Variants in MYO16 observed in about 807,000 individuals in gnomAD.
MYO16 encodes the protein unconventional myosin-XVI.
In MYO16, 94 loss-of-function variants were observed where a neutral mutation model predicts 205.3. That is an observed-to-expected ratio of 0.46 (90% CI 0.39 to 0.54). The LOEUF is 0.54. Ranked by LOEUF, MYO16 falls within the 20% of genes least tolerant of loss-of-function variation. MYO16 has a pLI of 0.00. For synonymous variants in MYO16, 988 were observed against 954.0 expected (o/e 1.04, Z -0.66); for missense variants, 2,315 against 2,387.5 (o/e 0.97, Z 0.63).
intron 14 of MYO16, among the ~76,000 whole-genome samples, chr13:108,895,978 G>A (rs1880393561): frequency 2.6e-5 from 4 of 152,132 alleles, no homozygotes; most frequent in Admixed American, 2.6e-4. Flanking sequence ...AGGAAAATGA[G>A]GTTTGAGGAA....
intron 11 of MYO16, among the ~76,000 whole-genome samples, chr13:108,861,834 C>G (rs1353298828): frequency 6.7e-6 from 1 of 150,006 alleles, no homozygotes; most frequent in African/African-American, 2.5e-5. Context: ...TTTATGTATT[C>G]ACGATATTCT....
At position 109,150,111 on chromosome 13, in the gene MYO16, T is replaced by C. The variant is rs530794733; in HGVS notation, c.5164+8735T>C. Among the ~76,000 whole-genome samples the C allele has an allele frequency of 2.0e-5, 3 of 152,262 alleles. No individual in the cohort carries two copies. The East Asian group carries it at 5.8e-4, about 29-fold the overall frequency. ...TAGCACCAGGAACCATGCTAAGAAC[T>C]GTACAGACAGATGATCAGCAGTGAT... On this transcript the variant is annotated intron_variant, in intron 32 of 34. Coordinates refer to ENST00000457511, the MANE Select transcript of MYO16 (RefSeq NM_001198950.3).
At chr13:108,530,899 A>G in the MYO16 span, among the ~76,000 whole-genome samples, 1 of 152,038 alleles carries the variant, frequency 6.6e-6, no homozygotes, top group Non-Finnish European at 1.5e-5. Flanking sequence ...AAATCTTGTC[A>G]ATGTTTTCTA....
the MYO16 span, among the ~76,000 whole-genome samples, chr13:108,571,642 G>C: frequency 3.3e-5 from 5 of 152,206 alleles, no homozygotes; most frequent in East Asian, 1.9e-4. Context: ...GGTCTTGTGG[G>C]TTCTCTGGCT....
At chr13:108,739,640 C>T (rs1884831091) in intron 4 of MYO16, among the ~76,000 whole-genome samples, 1 of 152,156 alleles carries the variant, frequency 6.6e-6, no homozygotes, top group Non-Finnish European at 1.5e-5. Context: ...CGAGGAGTAT[C>T]TCTGTGGCAT....
intron 12 of MYO16, among the ~76,000 whole-genome samples, chr13:108,874,805 TCACAAATAGGA>T (rs984792883): frequency 2.0e-5 from 3 of 151,866 alleles, no homozygotes; most frequent in Non-Finnish European, 2.9e-5. Flanking sequence ...GGTATACAGT[TCACAAATAGGA>T]CACCTACCCA....
At chr13:108,728,514 C>T (rs1594245043) in intron 4 of MYO16, among the ~76,000 whole-genome samples, 1 of 152,148 alleles carries the variant, frequency 6.6e-6, no homozygotes, top group African/African-American at 2.4e-5. Flanking sequence ...TGGACAGGGC[C>T]GTGCTCCCCC....
the MYO16 span, among the ~76,000 whole-genome samples, chr13:108,517,669 C>T: frequency 6.6e-6 from 1 of 152,186 alleles, no homozygotes; most frequent in Admixed American, 6.5e-5. Context: ...CAGGGAGCCA[C>T]CTGTAGTTAA....
At chr13:109,054,554 C>A (rs12430788) in intron 25 of MYO16, among the ~76,000 whole-genome samples, 5,113 of 152,104 alleles carry the variant, frequency 0.034, 129 homozygotes, top group South Asian at 0.057. Context: ...AGGATATGAT[C>A]GTGAGTTTAT....
chr13:108,812,050 A>T (rs528581171), intron 7 of MYO16, among the ~76,000 whole-genome samples: 3 of 152,340 alleles, frequency 2.0e-5, no homozygotes, highest in African/African-American at 7.2e-5. Context: ...TTAAAGCTAT[A>T]CTGAATGTAT....
At position 109,134,117 on chromosome 13, in the gene MYO16, T is replaced by A. The variant is rs1876661181; in HGVS notation, c.4052-6147T>A. On this transcript the variant is annotated intron_variant, in intron 31 of 34. Transcript: ENST00000457511. ...TAGTGATGTTTATCATGTGCAGGCATTAAGCTAAGTATCTTTCATCTGTAG... is the reference window on the plus strand; with the variant it reads ...TAGTGATGTTTATCATGTGCAGGCAATAAGCTAAGTATCTTTCATCTGTAG... Among the ~76,000 whole-genome samples the A allele has an allele frequency of 2.6e-5, 4 of 152,308 alleles. No homozygotes were observed. The East Asian group carries it at 5.8e-4, about 22-fold the overall frequency.
At chr13:108,610,520 T>A (rs1426629983) in intron 1 of MYO16, among the ~76,000 whole-genome samples, 1 of 152,174 alleles carries the variant, frequency 6.6e-6, no homozygotes, top group Non-Finnish European at 1.5e-5. Flanking sequence ...CCCCTGCCCT[T>A]GTTTATGAAG....
chr13:108,781,561 G>A (rs1169538266), intron 4 of MYO16, among the ~76,000 whole-genome samples: 1 of 152,074 alleles, frequency 6.6e-6, no homozygotes, highest in African/African-American at 2.4e-5. Flanking sequence ...TCTCTCTCTG[G>A]GCATTAGCGA....
At chr13:108,920,057 C>T (rs1467841673) in intron 16 of MYO16, among the ~76,000 whole-genome samples, 2 of 152,164 alleles carry the variant, frequency 1.3e-5, no homozygotes, top group Non-Finnish European at 2.9e-5. Context: ...TATTTGTCTT[C>T]AGAAGTTTAG....
At chr13:109,079,971 G>A (rs1888233432) in intron 27 of MYO16, among the ~76,000 whole-genome samples, 1 of 150,752 alleles carries the variant, frequency 6.6e-6, no homozygotes, top group South Asian at 2.1e-4. Flanking sequence ...CACCTCCCGG[G>A]TTCAAGCGAT....
At chr13:109,089,352 T>G (rs1248913485) in intron 27 of MYO16, among the ~76,000 whole-genome samples, 1 of 152,034 alleles carries the variant, frequency 6.6e-6, no homozygotes, top group Admixed American at 6.6e-5. Context: ...TAGCTGGAAT[T>G]ACAGGTGCCC....
chr13:109,134,380 A>G (rs1466626585), intron 31 of MYO16, among the ~76,000 whole-genome samples: 1 of 152,226 alleles, frequency 6.6e-6, no homozygotes, highest in Admixed American at 6.5e-5. Context: ...GTGTTTTTGC[A>G]TAACAACCCA....
intron 15 of MYO16, among the ~76,000 whole-genome samples, chr13:108,898,948 A>G (rs560942034): frequency 1.8e-4 from 28 of 152,328 alleles, no homozygotes; most frequent in African/African-American, 5.8e-4. Flanking sequence ...ACATTTGCCA[A>G]TTATTATAAA....
chr13:108,864,720 G>A (rs1444740311), intron 11 of MYO16, among the ~76,000 whole-genome samples: 13 of 151,902 alleles, frequency 8.6e-5, no homozygotes, highest in Admixed American at 8.5e-4. Context: ...TGTAGAGATA[G>A]CATCTCACCA....
Sources: allele counts gnomAD v4.1 joint callset (sites outside exome capture counted in the v4.1 genomes callset), GRCh38; gene constraint gnomAD v4.1.1; transcripts MANE v1.5; gene names NCBI Gene and HGNC (gene_info 2026-07-23, HGNC 2026-07-21).